The following SMYD3 variants were observed in gnomAD, a reference collection of about 807,000 sequenced individuals.
The protein encoded by SMYD3 is SET and MYND domain containing 3, also known as histone-lysine N-methyltransferase SMYD3.
Under a neutral mutation model 57.7 loss-of-function variants are expected in SMYD3, and 36 were observed. The observed-to-expected ratio is 0.62, with a 90% CI of 0.48 to 0.82. SMYD3 has a LOEUF of 0.82. Among genes scored for constraint, SMYD3 ranks in the 40% least tolerant of loss-of-function variants. The pLI, the probability that SMYD3 is intolerant of heterozygous loss-of-function variation, is 0.00. For synonymous variants in SMYD3, 211 were observed against 195.0 expected, an observed-to-expected ratio of 1.08 and a Z score of -0.68; for missense variants, 515 against 538.8, an observed-to-expected ratio of 0.96 and a Z score of 0.44.
intron 1 of SMYD3, among the ~76,000 whole-genome samples, chr1:246,407,005 G>C (rs1466902777): frequency 6.6e-6 from 1 of 152,188 alleles, no homozygotes; most frequent in Non-Finnish European, 1.5e-5. Context: ...AATCCCCTGG[G>C]GGATGTGGAT....
intron 5 of SMYD3, among the ~76,000 whole-genome samples, chr1:245,936,679 G>A (rs2056994579): frequency 6.6e-6 from 1 of 152,178 alleles, no homozygotes; most frequent in Non-Finnish European, 1.5e-5. Context: ...TGGATCGATT[G>A]AGCCCAGAAG....
At chr1:246,217,724 GA>G (rs772526313) in intron 5 of SMYD3, among the ~76,000 whole-genome samples, 27 of 151,564 alleles carry the variant, frequency 1.8e-4, no homozygotes, top group South Asian at 8.3e-4. Flanking sequence ...GTCTAGCTAG[GA>G]AAAAAAATAC....
intron 5 of SMYD3, among the ~76,000 whole-genome samples, chr1:246,240,109 T>C (rs2063581643): frequency 6.6e-6 from 1 of 152,230 alleles, no homozygotes; most frequent in Non-Finnish European, 1.5e-5. Context: ...AACCCATTTG[T>C]CTACTTTGGC....
At chr1:246,128,350 A>G (rs1330201809) in intron 5 of SMYD3, among the ~76,000 whole-genome samples, 1 of 152,176 alleles carries the variant, frequency 6.6e-6, no homozygotes, top group African/African-American at 2.4e-5. Context: ...ATATATTTCT[A>G]TGAGGGGAGG....
At chr1:245,842,749 C>T (rs1340062016) in intron 10 of SMYD3, among the ~76,000 whole-genome samples, 2 of 151,996 alleles carry the variant, frequency 1.3e-5, no homozygotes, top group Non-Finnish European at 2.9e-5. Context: ...TGTTCTGTTG[C>T]CCAGGCTGGA....
chr1:246,172,054 T>C (rs1224483612), intron 5 of SMYD3, among the ~76,000 whole-genome samples: 4 of 152,206 alleles, frequency 2.6e-5, no homozygotes, highest in Non-Finnish European at 4.4e-5. Flanking sequence ...GGTATACCTA[T>C]GTAGAGCACT....
intron 8 of SMYD3, among the ~76,000 whole-genome samples, chr1:245,889,152 G>A (rs1164408996): frequency 5.9e-5 from 9 of 152,170 alleles, no homozygotes; most frequent in Non-Finnish European, 8.8e-5. Context: ...GGTCAAACAT[G>A]TCATGTTTTA....
chr1:246,280,950 G>A (rs1262776007), intron 5 of SMYD3, among the ~76,000 whole-genome samples: 1 of 152,088 alleles, frequency 6.6e-6, no homozygotes, highest in Non-Finnish European at 1.5e-5. Flanking sequence ...TATTTTATTT[G>A]CAAAAACCTA....
At chr1:245,938,129 G>A (rs569671872) in intron 5 of SMYD3, among the ~76,000 whole-genome samples, 2 of 152,208 alleles carry the variant, frequency 1.3e-5, no homozygotes, top group African/African-American at 2.4e-5. Context: ...TATTCTCTCC[G>A]GGTGAACTTT....
rs12030829 is a variant in SMYD3, at chr1:246,150,164, G to T, written c.531+177037C>A. ...TCTTAAGTCTCAGAAGAAAATAACA[G>T]AATCTTCTTTCCCAATTTCAATGTT... On this transcript the variant is annotated intron_variant, in intron 5 of 11. Coordinates refer to ENST00000490107, the MANE Select transcript of SMYD3 (RefSeq NM_001167740.2). 1.6e-4 allele frequency among the ~76,000 whole-genome samples: 25 copies of T among 152,304 alleles called. No homozygotes were observed. The East Asian group carries it at 4.2e-3, about 26-fold the overall frequency.
Position 246,007,060 on chromosome 1 carries a change from G to A in SMYD3, c.532-77123C>T, listed in dbSNP as rs984381310. On this transcript the variant is annotated intron_variant, in intron 5 of 11. Coordinates refer to ENST00000490107, the MANE Select transcript of SMYD3 (RefSeq NM_001167740.2). ...CTCCTGGGCCAGAACTGAGGCTAAG[G>A]CCCGAAGCTGAGGACAGAAAGTGAT... 1.4e-4 allele frequency among the ~76,000 whole-genome samples: 21 copies of A among 152,236 alleles called. 1 individual carries two copies. Among genetic ancestry groups the A allele is most frequent in the African/African-American group, 5.1e-4 (21 of 41,538 alleles).
intron 8 of SMYD3, among the ~76,000 whole-genome samples, chr1:245,893,281 G>C (rs376854552): frequency 2.6e-5 from 4 of 152,106 alleles, no homozygotes; most frequent in East Asian, 1.9e-4. Flanking sequence ...AACAATAGGG[G>C]CTGCTTTGAA....
intron 10 of SMYD3, among the ~76,000 whole-genome samples, chr1:245,857,803 T>A (rs2051327655): frequency 6.6e-6 from 1 of 152,090 alleles, no homozygotes; most frequent in East Asian, 1.9e-4. Flanking sequence ...GGGTGCAGCA[T>A]CCACCAGCGC....
At chr1:245,972,839 G>A (rs1260413183) in intron 5 of SMYD3, among the ~76,000 whole-genome samples, 1 of 152,178 alleles carries the variant, frequency 6.6e-6, no homozygotes, top group Non-Finnish European at 1.5e-5. Context: ...CACCCACCTG[G>A]TACATACATT....
chr1:246,252,891 C>T (rs2063819354), intron 5 of SMYD3, among the ~76,000 whole-genome samples: 2 of 152,170 alleles, frequency 1.3e-5, no homozygotes, highest in African/African-American at 4.8e-5. Context: ...CAGAAGTCAT[C>T]AAACAGATAA....
chr1:246,201,884 A>G (rs1806502), intron 5 of SMYD3, among the ~76,000 whole-genome samples: 19,435 of 151,938 alleles, frequency 0.13, 3,229 homozygotes, highest in African/African-American at 0.38. Flanking sequence ...GTGGTGGCTC[A>G]TGCCTATAAT....
rs149865504 is a variant in SMYD3, at chr1:246,296,971, A to G, written c.531+30230T>C. Among the ~76,000 whole-genome samples, 985 of 152,312 alleles carry G rather than the reference A, an allele frequency of 6.5e-3. 9 individuals are homozygous for G. The highest frequency in any genetic ancestry group is 0.022 in the African/African-American group (895 of 41,570). Reference sequence around the variant, plus strand: ...TAACAATCGATGAATACAATAAAGGAAACTCATGAGTGATAGAGATTTGAG... The same window carrying G: ...TAACAATCGATGAATACAATAAAGGGAACTCATGAGTGATAGAGATTTGAG... On this transcript the variant is annotated intron_variant, in intron 5 of 11. Transcript: ENST00000490107.
intron 5 of SMYD3, among the ~76,000 whole-genome samples, chr1:246,042,267 G>A (rs1412683678): frequency 6.6e-6 from 1 of 152,066 alleles, no homozygotes; most frequent in Non-Finnish European, 1.5e-5. Flanking sequence ...TGGATTCACA[G>A]ATATATACTA....
intron 10 of SMYD3, among the ~76,000 whole-genome samples, chr1:245,778,350 C>G (rs2046688616): frequency 6.6e-6 from 1 of 152,088 alleles, no homozygotes; most frequent in Non-Finnish European, 1.5e-5. Flanking sequence ...AATAGAAATT[C>G]AAGAAATTGA....
Sources: allele counts gnomAD v4.1 joint callset (sites outside exome capture counted in the v4.1 genomes callset), GRCh38; gene constraint gnomAD v4.1.1; transcripts MANE v1.5; gene names NCBI Gene and HGNC (gene_info 2026-07-23, HGNC 2026-07-21).